SCAMP2: variants seen among roughly 807,000 people sequenced by gnomAD.
SCAMP2 encodes the protein secretory carrier membrane protein 2, also known as secretory carrier-associated membrane protein 2.
SCAMP2 carries 25 observed loss-of-function variants against 44.1 expected under a neutral mutation model. The observed-to-expected ratio is 0.57, with a 90% confidence interval of 0.41 to 0.79. The LOEUF (loss-of-function observed/expected upper bound fraction) is 0.79, where lower values mean the gene tolerates loss of function less well. Among genes scored for constraint, SCAMP2 ranks in the 30% least tolerant of loss-of-function variants. SCAMP2 has a pLI of 0.00. For missense variants in SCAMP2, 355 were observed against 411.0 expected, an observed-to-expected ratio of 0.86 and a Z score of 1.18; for synonymous variants, 156 against 166.0, an observed-to-expected ratio of 0.94 and a Z score of 0.46.
intron 1 of SCAMP2, among the ~76,000 whole-genome samples, chr15:74,858,806 CTTTTTTT>C (rs917391053): frequency 1.3e-4 from 12 of 91,258 alleles, no homozygotes; most frequent in Non-Finnish European, 2.3e-4. Flanking sequence ...AGAGCTGGTT[CTTTTTTT>C]TTTTTTTTTT....
intron 1 of SCAMP2, 88 bp downstream of exon 1, chr15:74,873,111 C>G (rs554601435): frequency 8.4e-7 from 1 of 1,196,572 alleles, no homozygotes; most frequent in African/African-American, 1.6e-5. Flanking sequence ...CCTCCTACGC[C>G]ACGTCTCCCG....
intron 1 of SCAMP2, among the ~76,000 whole-genome samples, chr15:74,861,972 G>A (rs556498176): frequency 1.5e-3 from 224 of 150,922 alleles, no homozygotes; most frequent in African/African-American, 5.2e-3. Context: ...CTAAATTATG[G>A]GCCAGGCCCG....
At chr15:74,854,708 C>G in intron 1 of SCAMP2, 59 bp from the exon 2 acceptor site, 1 of 1,477,038 alleles carries the variant, frequency 6.8e-7, no homozygotes, top group Non-Finnish European at 9.3e-7. Context: ...CAGGGGCCGG[C>G]AGGCGAGCCG....
rs548519291 is a variant in SCAMP2, at chr15:74,864,228, A to AT, written c.57+8970dup. On this transcript the variant is annotated intron_variant, in intron 1 of 8. Coordinates refer to ENST00000268099, the MANE Select transcript of SCAMP2 (RefSeq NM_005697.5). ...AGGTGTGTGCCACCATGCCCAGCTA[A>AT]TTTTTTGTATTTTTAGTAGGGACAG... Among the ~76,000 whole-genome samples, 24 of 151,992 alleles carry AT rather than the reference A, an allele frequency of 1.6e-4. No homozygotes were observed. In the East Asian group the frequency reaches 3.5e-3, roughly 22 times the overall value.
chr15:74,862,821 C>CAA (rs71434242), intron 1 of SCAMP2, among the ~76,000 whole-genome samples: 26 of 26,334 alleles, frequency 9.9e-4, no homozygotes, highest in African/African-American at 3.4e-3. Flanking sequence ...GACTCCATCT[C>CAA]AAAAAAAAAA....
chr15:74,864,340 C>T (rs1394009697), intron 1 of SCAMP2, among the ~76,000 whole-genome samples: 1 of 152,116 alleles, frequency 6.6e-6, no homozygotes, highest in Non-Finnish European at 1.5e-5. Context: ...GGATTACAGG[C>T]TTGAGCCACC....
At chr15:74,870,593 T>C (rs1359007902) in intron 1 of SCAMP2, among the ~76,000 whole-genome samples, 1 of 152,176 alleles carries the variant, frequency 6.6e-6, no homozygotes, top group Non-Finnish European at 1.5e-5. Context: ...CTTTACTCAA[T>C]AGAGATGACT....
At chr15:74,862,067 A>G (rs2064508554) in intron 1 of SCAMP2, among the ~76,000 whole-genome samples, 1 of 148,344 alleles carries the variant, frequency 6.7e-6, no homozygotes. Context: ...CAGCCTGGCC[A>G]ACAAGGTGAG....
chr15:74,854,045 C>T lies in SCAMP2; in HGVS notation c.201G>A (p.Val67=), dbSNP rs1484606468. Residue 67 remains valine, a synonymous_variant, in exon 3 of 9, where the codon GTG becomes GTA. Transcript: ENST00000268099. The part of the protein sequence containing the change: ...SSQPAVLQPS[V]EPTQPTPQAV... ...CCTGGGGGGTCGGCTGGGTTGGTTCCACTGATGGCTGGAGAACCGCTGGCT... is the reference window on the plus strand; with the variant it reads ...CCTGGGGGGTCGGCTGGGTTGGTTCTACTGATGGCTGGAGAACCGCTGGCT... The T allele has an allele frequency of 6.2e-7, 1 of 1,614,036 alleles. No homozygotes were observed. Among genetic ancestry groups the T allele is most frequent in the Admixed American group, 1.7e-5 (1 of 60,008 alleles).
chr15:74,853,998 C>CCAGA, intron 3 of SCAMP2, 23 bp downstream of exon 3: 1 of 1,593,320 alleles, frequency 6.3e-7, no homozygotes, highest in South Asian at 1.1e-5. Context: ...AGAGAAAAGG[C>CCAGA]CAGAGTTCTT....
At chr15:74,858,569 C>G (rs2064481669) in intron 1 of SCAMP2, among the ~76,000 whole-genome samples, 1 of 152,048 alleles carries the variant, frequency 6.6e-6, no homozygotes, top group African/African-American at 2.4e-5. Flanking sequence ...GGGGAAGTAG[C>G]TTGTCTTAAG....
intron 1 of SCAMP2, among the ~76,000 whole-genome samples, chr15:74,859,523 C>T (rs1200855361): frequency 1.3e-5 from 2 of 151,998 alleles, no homozygotes; most frequent in African/African-American, 4.8e-5. Context: ...GGCAGGGGGG[C>T]ACTTCCACAT....
intron 1 of SCAMP2, among the ~76,000 whole-genome samples, chr15:74,862,832 A>AC (rs1246745531): frequency 1.4e-5 from 2 of 142,592 alleles, no homozygotes; most frequent in Admixed American, 7.2e-5. Flanking sequence ...AAAAAAAAAA[A>AC]AAAAAACAAA....
At chr15:74,871,437 G>C (rs560300688) in intron 1 of SCAMP2, among the ~76,000 whole-genome samples, 42 of 151,876 alleles carry the variant, frequency 2.8e-4, no homozygotes, top group African/African-American at 9.2e-4. Flanking sequence ...CTGGGCGACA[G>C]AGTGAGACCC....
chr15:74,867,284 A>G (rs1596425563), intron 1 of SCAMP2, among the ~76,000 whole-genome samples: 1 of 152,364 alleles, frequency 6.6e-6, no homozygotes, highest in East Asian at 1.9e-4. Flanking sequence ...TCTCTGAATG[A>G]ACAGCAAGTA....
chr15:74,847,086 ATTTTTTTTTTTTT>A (rs34231883), intron 7 of SCAMP2, among the ~76,000 whole-genome samples: 1 of 109,280 alleles, frequency 9.2e-6, no homozygotes, highest in Non-Finnish European at 1.8e-5. Flanking sequence ...TTGTCAGTTA[ATTTTTTTTTTTTT>A]TTTTTTTTTT....
At chr15:74,868,532 T>G (rs950690265) in intron 1 of SCAMP2, among the ~76,000 whole-genome samples, 2 of 152,170 alleles carry the variant, frequency 1.3e-5, no homozygotes, top group African/African-American at 4.8e-5. Flanking sequence ...ACAGGCCTTG[T>G]GAATCTTTAT....
At chr15:74,863,313 C>T (rs2064521011) in intron 1 of SCAMP2, among the ~76,000 whole-genome samples, 1 of 150,952 alleles carries the variant, frequency 6.6e-6, no homozygotes, top group Non-Finnish European at 1.5e-5. Flanking sequence ...CTCCATTGCA[C>T]TCCAGCCTGG....
chr15:74,861,650 G>A (rs542633225), intron 1 of SCAMP2, among the ~76,000 whole-genome samples: 5 of 152,270 alleles, frequency 3.3e-5, no homozygotes, highest in African/African-American at 1.2e-4. Context: ...TATAATCGCA[G>A]CACTTTGGGA....
Sources: gnomAD v4.1 joint callset for allele counts (sites outside exome capture counted in the v4.1 genomes callset) on GRCh38, gnomAD v4.1.1 for gene constraint, MANE v1.5 for transcripts, NCBI Gene and HGNC (gene_info 2026-07-23, HGNC 2026-07-21) for gene names.